The following PICALM variants were observed in gnomAD, a reference collection of about 807,000 sequenced individuals.
PICALM encodes phosphatidylinositol-binding clathrin assembly protein.
A neutral mutation model predicts 80.5 loss-of-function variants in PICALM; 40 were observed. That is an observed-to-expected ratio of 0.50 (90% CI 0.39 to 0.65). PICALM has a LOEUF of 0.65. Ranked by LOEUF, PICALM falls within the 30% of genes least tolerant of loss-of-function variation. The probability of loss-of-function intolerance (pLI) is 0.00; values close to 1 mark genes in which losing one functional copy is unlikely to be tolerated. For missense variants in PICALM, 676 were observed against 778.9 expected (o/e 0.87, Z 1.57); for synonymous variants, 288 against 260.3 (o/e 1.11, Z -1.02).
chr11:85,969,235 T>C (rs1317641328), intron 19 of PICALM, among the ~76,000 whole-genome samples: 1 of 152,094 alleles, frequency 6.6e-6, no homozygotes, highest in East Asian at 1.9e-4. Flanking sequence ...AAGATAAAGG[T>C]ATCTGAGAGG....
rs765338634 is a variant in PICALM at position 86,014,880 on chromosome 11, A to G, written c.536T>C (p.Leu179Pro). 6.5e-7 allele frequency: 1 copy of G among 1,534,480 alleles called. No individual in the cohort carries two copies. Among genetic ancestry groups the G allele is most frequent in the South Asian group, 1.2e-5 (1 of 85,910 alleles). ...PIIQNQMDAL[L>P]DFNVNSNELT... The stretch of plus-strand genomic sequence containing the variant: ...AAAAGCATAACTCACATTAAAATCA[A>G]GAAGTGCATCCATCTGATTCTGAAT... The change falls in exon 5 of 20, where the codon CTT becomes CCT. Residue 179 changes from leucine (L) to proline (P), a missense_variant. Leu to Pro is a moderately conservative substitution (Grantham distance 98). Transcript: ENST00000393346.
At chr11:85,974,538 T>C (rs895185651) in intron 19 of PICALM, 170 bp downstream of exon 19, 3 of 715,676 alleles carry the variant, frequency 4.2e-6, no homozygotes, top group Non-Finnish European at 5.2e-6. Flanking sequence ...TCCCTCCAAA[T>C]AATCAATATT....
intron 15 of PICALM, 23 bp downstream of exon 15, chr11:85,981,849 T>G (rs1365694021): frequency 2.5e-6 from 4 of 1,612,654 alleles, no homozygotes; most frequent in Admixed American, 1.7e-5. Context: ...AAAAGAAGAT[T>G]AACGTATCCA....
intron 1 of PICALM, among the ~76,000 whole-genome samples, chr11:86,060,766 C>G (rs192623717): frequency 3.4e-5 from 5 of 148,414 alleles, no homozygotes; most frequent in Admixed American, 1.3e-4. Flanking sequence ...AGGAGACAGA[C>G]ATTACACTCA....
intron 3 of PICALM, chr11:86,023,387 A>C (rs542754819): frequency 2.1e-6 from 2 of 930,966 alleles, no homozygotes; most frequent in Non-Finnish European, 2.6e-6. Context: ...AAATAGAAAA[A>C]AAAATACTGC....
At chr11:85,991,477 A>C (rs1466134759) in intron 12 of PICALM, among the ~76,000 whole-genome samples, 1 of 152,276 alleles carries the variant, frequency 6.6e-6, no homozygotes, top group Admixed American at 6.5e-5. Flanking sequence ...ATATAGGCAC[A>C]CTTCCTTTAA....
chr11:86,061,640 C>A (rs1029459746), intron 1 of PICALM, among the ~76,000 whole-genome samples: 1 of 152,166 alleles, frequency 6.6e-6, no homozygotes, highest in Admixed American at 6.5e-5. Context: ...AACTCCCATT[C>A]ATTACTGGTG....
At chr11:86,015,672 A>C (rs1361878345) in intron 4 of PICALM, among the ~76,000 whole-genome samples, 1 of 152,224 alleles carries the variant, frequency 6.6e-6, no homozygotes, top group African/African-American at 2.4e-5. Flanking sequence ...ACTGGGGCTA[A>C]CGTACACAAC....
chr11:86,010,511 T>C (rs1369597175), intron 7 of PICALM, among the ~76,000 whole-genome samples: 1 of 152,036 alleles, frequency 6.6e-6, no homozygotes, highest in Non-Finnish European at 1.5e-5. Flanking sequence ...ATCTTTAGTA[T>C]AGACGGGATT....
In PICALM at chr11:86,051,721, C is replaced by T. The variant is rs949086658; in HGVS notation, c.130+16930G>A. On this transcript the variant is annotated intron_variant, in intron 1 of 19. Coordinates refer to ENST00000393346, the MANE Select transcript of PICALM (RefSeq NM_007166.4). ...CTCAAAATGTAATCTTACATATTTA[C>T]ATAAATTATATTCCTCAAAGAAAAG... Among the ~76,000 whole-genome samples, 14 of 152,112 alleles carry T rather than the reference C, an allele frequency of 9.2e-5. 1 individual carries two copies. Among genetic ancestry groups the T allele is most frequent in the African/African-American group, 3.1e-4 (13 of 41,424 alleles).
At chr11:85,966,050 C>T (rs1222324276) in intron 19 of PICALM, among the ~76,000 whole-genome samples, 16 of 151,954 alleles carry the variant, frequency 1.1e-4, no homozygotes, top group African/African-American at 3.4e-4. Context: ...CTCTTGACCT[C>T]GTGATCTGCA....
chr11:86,043,097 A>T (rs2096004190), intron 1 of PICALM, among the ~76,000 whole-genome samples: 1 of 152,176 alleles, frequency 6.6e-6, no homozygotes, highest in Non-Finnish European at 1.5e-5. Context: ...AAAGTGACCC[A>T]AGTTTGGATG....
intron 2 of PICALM, among the ~76,000 whole-genome samples, chr11:86,027,993 G>A (rs1034777862): frequency 3.3e-5 from 5 of 152,132 alleles, no homozygotes; most frequent in African/African-American, 1.2e-4. Flanking sequence ...ATTTTGATAA[G>A]ACTCTTCTTT....
At chr11:85,991,662 A>G (rs2094783251) in intron 12 of PICALM, among the ~76,000 whole-genome samples, 1 of 151,846 alleles carries the variant, frequency 6.6e-6, no homozygotes, top group African/African-American at 2.4e-5. Flanking sequence ...ACATCAATTC[A>G]CACTAAAAAA....
At chr11:86,024,094 A>C (rs1593042004) in intron 3 of PICALM, among the ~76,000 whole-genome samples, 2 of 152,082 alleles carry the variant, frequency 1.3e-5, no homozygotes, top group Admixed American at 1.3e-4. Flanking sequence ...ATACCACTGC[A>C]CCCAGCCTAG....
At chr11:86,033,586 T>C (rs2095796571) in intron 1 of PICALM, among the ~76,000 whole-genome samples, 2 of 152,222 alleles carry the variant, frequency 1.3e-5, no homozygotes, top group African/African-American at 2.4e-5. Flanking sequence ...TAACAAAGCC[T>C]TGGGCATTCC....
At chr11:86,001,539 T>C (rs1168100846) in intron 9 of PICALM, among the ~76,000 whole-genome samples, 1 of 152,210 alleles carries the variant, frequency 6.6e-6, no homozygotes, top group South Asian at 2.1e-4. Flanking sequence ...GAAAACCCTC[T>C]GCTAATTTAC....
At chr11:86,044,509 T>G (rs532975680) in intron 1 of PICALM, among the ~76,000 whole-genome samples, 3 of 152,348 alleles carry the variant, frequency 2.0e-5, no homozygotes, top group Non-Finnish European at 2.9e-5. Flanking sequence ...TCTCATTTAT[T>G]TATTCACATG....
At chr11:86,056,712 T>A (rs148288351) in intron 1 of PICALM, among the ~76,000 whole-genome samples, 39 of 152,304 alleles carry the variant, frequency 2.6e-4, no homozygotes, top group African/African-American at 9.4e-4. Flanking sequence ...ACACGAAAAC[T>A]TGTATGTGAA....
Sources: gnomAD v4.1 joint callset for allele counts (sites outside exome capture counted in the v4.1 genomes callset) on GRCh38, gnomAD v4.1.1 for gene constraint, MANE v1.5 for transcripts, NCBI Gene and HGNC (gene_info 2026-07-23, HGNC 2026-07-21) for gene names.